The following UGGT2 variants were observed in gnomAD, a reference collection of about 807,000 sequenced individuals.
UGGT2 encodes UDP-glucose:glycoprotein glucosyltransferase 2.
A neutral mutation model predicts 192.1 loss-of-function variants in UGGT2; 180 were observed. The ratio of observed to expected loss-of-function variants is 0.94; its 90% CI spans 0.83 to 1.06. The LOEUF (loss-of-function observed/expected upper bound fraction) is 1.06. UGGT2 is among the 50% of genes least tolerant of loss of function. The pLI, the probability that UGGT2 is intolerant of heterozygous loss-of-function variation, is 0.00. For synonymous variants in UGGT2, 580 were observed against 591.0 expected (o/e 0.98, Z 0.27); for missense variants, 1,849 against 1,795.7 (o/e 1.03, Z -0.54).
At chr13:95,814,482 T>A (rs1884723692) in intron 38 of UGGT2, among the ~76,000 whole-genome samples, 1 of 152,256 alleles carries the variant, frequency 6.6e-6, no homozygotes, top group South Asian at 2.1e-4. Context: ...TGGCCAATTT[T>A]TTCCTTTTGG....
At chr13:95,854,910 C>G (rs11841441) in intron 34 of UGGT2, among the ~76,000 whole-genome samples, 1 of 151,798 alleles carries the variant, frequency 6.6e-6, no homozygotes, top group African/African-American at 2.4e-5. Flanking sequence ...CCCAATTATT[C>G]TAAATAGCTT....
chr13:95,973,047 G>A (rs1051131591), intron 10 of UGGT2, among the ~76,000 whole-genome samples: 1 of 152,158 alleles, frequency 6.6e-6, no homozygotes, highest in African/African-American at 2.4e-5. Context: ...GCACATGCCC[G>A]TAATCCCAGC....
chr13:95,927,104 G>A lies in UGGT2; in HGVS notation c.2124C>T (p.Phe708=), dbSNP rs1402824895. 4 of 1,611,244 alleles carry A rather than the reference G, an allele frequency of 2.5e-6. No homozygotes were observed. The African/African-American group carries it at 5.4e-5, about 22-fold the overall frequency. Residue 708 remains phenylalanine, a synonymous_variant, in exon 19 of 39, where the codon TTC becomes TTT. Coordinates refer to ENST00000376747, the MANE Select transcript of UGGT2 (RefSeq NM_020121.4). ...STSVTADVED[F]STFFFLDSQD... ...GTGAATCCAAGAAAAAGAAAGTAGA[G>A]AAATCTTCAACATCAGCAGTTACTG...
In UGGT2 at chr13:95,996,058, CTTACT is replaced by C. The variant is rs760727317; in HGVS notation, c.830_830+4del. On this transcript the variant is annotated splice_donor_variant and splice_donor_region_variant and coding_sequence_variant and intron_variant, in exon 7 of 39. Transcript: ENST00000376747. LOFTEE classifies it high-confidence loss of function. ...AATACCAATTTCATTTCCATTCAGA[CTTACT>C]TTAGTTTCCCAAAGAGAAATCCTTG... 7.4e-6 allele frequency: 12 copies of C among 1,611,640 alleles called. No homozygotes were observed. Among genetic ancestry groups the C allele is most frequent in the Non-Finnish European group, 9.3e-6 (11 of 1,178,146 alleles).
chr13:95,902,701 T>G (rs2048142608), intron 21 of UGGT2, among the ~76,000 whole-genome samples, 153 bp downstream of exon 21: 1 of 152,188 alleles, frequency 6.6e-6, no homozygotes, highest in Non-Finnish European at 1.5e-5. Flanking sequence ...AGTCATATCA[T>G]TTAATGTTTA....
At chr13:95,908,605 C>T (rs1283937142) in intron 20 of UGGT2, among the ~76,000 whole-genome samples, 4 of 151,306 alleles carry the variant, frequency 2.6e-5, no homozygotes, top group African/African-American at 9.7e-5. Context: ...CTCTCCAGCA[C>T]CTGTTGTTTC....
At chr13:95,819,189 T>C (rs994336904) in intron 38 of UGGT2, among the ~76,000 whole-genome samples, 2 of 152,206 alleles carry the variant, frequency 1.3e-5, no homozygotes, top group Non-Finnish European at 2.9e-5. Context: ...TTCTTGGTGT[T>C]TCCCTTTATT....
At chr13:95,961,186 G>A (rs1000873318) in intron 12 of UGGT2, among the ~76,000 whole-genome samples, 5 of 151,148 alleles carry the variant, frequency 3.3e-5, no homozygotes, top group Non-Finnish European at 5.9e-5. Flanking sequence ...GAGAGAGAGA[G>A]AAACAGAGAA....
At chr13:95,826,717 T>C (rs2139833631) in intron 38 of UGGT2, among the ~76,000 whole-genome samples, 1 of 152,160 alleles carries the variant, frequency 6.6e-6, no homozygotes, top group Admixed American at 6.6e-5. Flanking sequence ...AGAAAGACAA[T>C]GTATTCTGAG....
intron 1 of UGGT2, among the ~76,000 whole-genome samples, chr13:96,038,852 T>C (rs771364762): frequency 6.6e-6 from 1 of 152,172 alleles, no homozygotes; most frequent in South Asian, 2.1e-4. Context: ...CAAAATCTCA[T>C]GTAAATATCG....
In UGGT2 at chr13:96,053,232, C is replaced by T; in HGVS notation, c.81G>A (p.Gly27=). ...TCACCGACTTGGACGCGGCGACCGT[C>T]CCGGAGCCGAGCTGCGAAAGCCACA... ...TALWLSQLGS[G]TVAASKSVTA... is the part of the protein sequence containing the mutation. Residue 27 remains glycine (G), a synonymous_variant, in exon 1 of 39, where the codon GGG becomes GGA. Transcript: ENST00000376747. The T allele has an allele frequency of 1.3e-6, 2 of 1,546,992 alleles. No homozygotes were observed. The highest frequency in any genetic ancestry group is 2.4e-5 in the South Asian group (2 of 84,036).
intron 12 of UGGT2, among the ~76,000 whole-genome samples, chr13:95,966,842 A>G (rs977150828): frequency 2.6e-5 from 4 of 152,204 alleles, no homozygotes; most frequent in East Asian, 1.9e-4. Context: ...AAATTTTGAT[A>G]TATTTCCTTC....
intron 1 of UGGT2, 34 bp from the exon 2 acceptor site, chr13:96,032,005 T>C (rs1566844135): frequency 4.6e-6 from 7 of 1,522,856 alleles, no homozygotes; most frequent in Non-Finnish European, 6.4e-6. Flanking sequence ...GGTTAGTAGA[T>C]GGAATTTAAA....
intron 10 of UGGT2, among the ~76,000 whole-genome samples, chr13:95,976,553 G>T (rs988359128): frequency 1.3e-5 from 2 of 151,918 alleles, no homozygotes; most frequent in African/African-American, 4.8e-5. Context: ...AGTGCACAAG[G>T]GTTCCCCTTT....
intron 38 of UGGT2, among the ~76,000 whole-genome samples, chr13:95,814,508 C>G (rs1170786494): frequency 6.6e-6 from 1 of 152,170 alleles, no homozygotes; most frequent in African/African-American, 2.4e-5. Flanking sequence ...GAATGTTTAT[C>G]CAATGCTTAC....
At chr13:95,877,989 CAT>C (rs906527923) in intron 27 of UGGT2, 133 bp from the exon 28 acceptor site, 177 of 875,124 alleles carry the variant, frequency 2.0e-4, no homozygotes, top group African/African-American at 5.6e-4. Context: ...TTATTTTACA[CAT>C]GAGTGAATTC....
chr13:95,835,916 A>G (rs965925391), intron 37 of UGGT2, among the ~76,000 whole-genome samples: 3 of 152,344 alleles, frequency 2.0e-5, no homozygotes, highest in East Asian at 1.9e-4. Context: ...CATGTATGAT[A>G]TATTTTAAGT....
intron 15 of UGGT2, among the ~76,000 whole-genome samples, chr13:95,945,888 T>C (rs901136590): frequency 2.6e-5 from 4 of 152,184 alleles, no homozygotes; most frequent in African/African-American, 9.6e-5. Flanking sequence ...AGGTATTTAA[T>C]GATTTTCCTG....
intron 36 of UGGT2, among the ~76,000 whole-genome samples, chr13:95,852,508 T>C (rs1458628972): frequency 6.6e-6 from 1 of 152,194 alleles, no homozygotes; most frequent in Admixed American, 6.5e-5. Flanking sequence ...TCTTTAAATA[T>C]TATTTTTAAA....
Sources: gnomAD v4.1 joint callset for allele counts (sites outside exome capture counted in the v4.1 genomes callset) on GRCh38, gnomAD v4.1.1 for gene constraint, MANE v1.5 for transcripts, NCBI Gene and HGNC (gene_info 2026-07-23, HGNC 2026-07-21) for gene names.